The following BBS9 variants were observed in gnomAD, a reference collection of about 807,000 sequenced individuals.
BBS9 encodes Bardet-Biedl syndrome 9.
BBS9 carries 89 observed loss-of-function variants against 117.7 expected under a neutral mutation model. The ratio of observed to expected loss-of-function variants is 0.76; its 90% CI spans 0.64 to 0.90. The LOEUF is 0.90. Ranked by LOEUF, BBS9 falls within the 40% of genes least tolerant of loss-of-function variation. BBS9 has a pLI of 0.00. For synonymous variants in BBS9, 379 were observed against 370.9 expected, an observed-to-expected ratio of 1.02 and a Z score of -0.25; for missense variants, 982 against 1,042.2, an observed-to-expected ratio of 0.94 and a Z score of 0.80.
intron 20 of BBS9, among the ~76,000 whole-genome samples, chr7:33,521,736 G>A (rs1284219812): frequency 1.3e-5 from 2 of 150,224 alleles, no homozygotes; most frequent in East Asian, 2.0e-4. Flanking sequence ...TCAAAGGGCT[G>A]TTTTCTTTTT....
chr7:33,331,751 T>G (rs1233228749), intron 9 of BBS9, among the ~76,000 whole-genome samples: 2 of 147,872 alleles, frequency 1.4e-5, no homozygotes, highest in African/African-American at 5.0e-5. Context: ...ACCAATGAGG[T>G]GAAAGAGCTC....
At chr7:33,609,604 G>T (rs1020105013), downstream of BBS9, among the ~76,000 whole-genome samples, 5 of 152,066 alleles carry the variant, frequency 3.3e-5, no homozygotes, top group South Asian at 2.1e-4. Context: ...TTGACTTGGG[G>T]TCCATGAAAC....
intron 15 of BBS9, among the ~76,000 whole-genome samples, chr7:33,356,740 T>C (rs113317820): frequency 0.014 from 2,158 of 151,996 alleles, 56 homozygotes; most frequent in African/African-American, 0.049. Context: ...CAATTGACTT[T>C]AGCAAAATAT....
intron 19 of BBS9, among the ~76,000 whole-genome samples, chr7:33,473,301 A>G (rs920235592): frequency 6.6e-6 from 1 of 152,062 alleles, no homozygotes; most frequent in Non-Finnish European, 1.5e-5. Context: ...TGCATGCAAC[A>G]ATTCCCCCTC....
chr7:33,155,336 T>G (rs1228988163), intron 3 of BBS9, among the ~76,000 whole-genome samples: 1 of 152,196 alleles, frequency 6.6e-6, no homozygotes, highest in Non-Finnish European at 1.5e-5. Flanking sequence ...GGACTAGAAC[T>G]TGGATTTCTT....
chr7:33,174,778 A>G (rs1797086797), intron 4 of BBS9, among the ~76,000 whole-genome samples: 1 of 152,248 alleles, frequency 6.6e-6, no homozygotes, highest in South Asian at 2.1e-4. Flanking sequence ...GGGATAAACC[A>G]GGTGACTCTT....
chr7:33,290,945 A>C (rs1356230406), intron 9 of BBS9, among the ~76,000 whole-genome samples: 1 of 152,218 alleles, frequency 6.6e-6, no homozygotes, highest in Non-Finnish European at 1.5e-5. Context: ...AATTACTTTA[A>C]AGAAAAAAGT....
chr7:33,268,495 T>C (rs192365938), intron 7 of BBS9, among the ~76,000 whole-genome samples: 5 of 152,328 alleles, frequency 3.3e-5, no homozygotes, highest in Non-Finnish European at 7.4e-5. Context: ...GTTTGTTTTC[T>C]GTCTTTAAGG....
At chr7:33,198,323 A>G (rs1213448383) in intron 5 of BBS9, among the ~76,000 whole-genome samples, 1 of 151,998 alleles carries the variant, frequency 6.6e-6, no homozygotes, top group East Asian at 1.9e-4. Context: ...CAGCTGGTTG[A>G]TTAAGTCCTA....
intron 21 of BBS9, among the ~76,000 whole-genome samples, chr7:33,576,758 C>T (rs1004148390): frequency 6.6e-6 from 1 of 152,160 alleles, no homozygotes; most frequent in Admixed American, 6.5e-5. Context: ...CACCAGACAT[C>T]TACAATCATC....
At chr7:33,200,224 A>G (rs1414086924) in intron 5 of BBS9, among the ~76,000 whole-genome samples, 2 of 152,072 alleles carry the variant, frequency 1.3e-5, no homozygotes, top group Non-Finnish European at 2.9e-5. Context: ...CTTAATTTCT[A>G]TTTCTTGTTC....
chr7:33,180,903 C>T (rs1397099467), intron 5 of BBS9, among the ~76,000 whole-genome samples: 3 of 152,136 alleles, frequency 2.0e-5, no homozygotes, highest in Non-Finnish European at 4.4e-5. Flanking sequence ...ACCGTGGCGA[C>T]CAGGTAACTC....
rs79867993 is a variant in BBS9 at position 33,198,699 on chromosome 7, A to G, written c.442+21108A>G. 0.018 allele frequency among the ~76,000 whole-genome samples: 2,728 copies of G among 152,138 alleles called. 220 individuals are homozygous for G. The East Asian group carries it at 0.27, about 15-fold the overall frequency. On this transcript the variant is annotated intron_variant, in intron 5 of 22. Transcript: ENST00000242067. ...GAGGACTTTTTTTCAATAATAAAGT[A>G]TAACATATGTGTAAACCATGCAACC...
In BBS9 at chr7:33,193,421, C is replaced by CGTTTTTTTTTTTT. The variant is rs1562773513; in HGVS notation, c.442+15830_442+15831insGTTTTTTTTTTTT. 3.5e-4 allele frequency among the ~76,000 whole-genome samples: 24 copies of CGTTTTTTTTTTTT among 67,792 alleles called. 8 individuals are homozygous for CGTTTTTTTTTTTT. The highest frequency in any genetic ancestry group is 3.3e-4 in the Non-Finnish European group (10 of 30,416). 44.5% of individuals were successfully genotyped at this position (67,792 alleles called of 152,430 possible). Reference sequence around the variant, plus strand: ...TTGTCTTCCCCTGTCCCTCTCTCTGCCTTTTTTTTTTTTTTTTTTTGTAGT... The same window carrying CGTTTTTTTTTTTT: ...TTGTCTTCCCCTGTCCCTCTCTCTGCGTTTTTTTTTTTTCTTTTTTTTTTTTTTTTTTTGTAGT... On this transcript the variant is annotated intron_variant, in intron 5 of 22. Transcript: ENST00000242067.
intron 9 of BBS9, among the ~76,000 whole-genome samples, chr7:33,304,075 T>TC (rs1807236959): frequency 1.4e-5 from 2 of 139,074 alleles, no homozygotes; most frequent in African/African-American, 2.7e-5. Context: ...CGTCTCTGCC[T>TC]GGCTGCCCAT....
chr7:33,179,601 GA>G (rs1797816052), intron 5 of BBS9, among the ~76,000 whole-genome samples: 1 of 151,944 alleles, frequency 6.6e-6, no homozygotes, highest in Non-Finnish European at 1.5e-5. Flanking sequence ...CTAGTTGCAG[GA>G]AAACAAGCTC....
intron 21 of BBS9, among the ~76,000 whole-genome samples, chr7:33,591,859 G>A (rs1220628992): frequency 2.7e-5 from 4 of 149,906 alleles, no homozygotes; most frequent in East Asian, 2.0e-4. Context: ...ACCCCTGGCC[G>A]TCGTCGCCAT....
chr7:33,233,519 G>T (rs1212856779), intron 5 of BBS9, among the ~76,000 whole-genome samples: 1 of 152,058 alleles, frequency 6.6e-6, no homozygotes, highest in African/African-American at 2.4e-5. Flanking sequence ...CTTTCTATAA[G>T]GAGGAAGGAC....
At chr7:33,138,302 T>G (rs1790873530) in intron 1 of BBS9, among the ~76,000 whole-genome samples, 1 of 148,996 alleles carries the variant, frequency 6.7e-6, no homozygotes, top group Non-Finnish European at 1.5e-5. Context: ...AATGATTTTT[T>G]TTAAGCCCTC....
Sources: gnomAD v4.1 joint callset for allele counts (sites outside exome capture counted in the v4.1 genomes callset) on GRCh38, gnomAD v4.1.1 for gene constraint, MANE v1.5 for transcripts, NCBI Gene and HGNC (gene_info 2026-07-23, HGNC 2026-07-21) for gene names.